JADE3: variants seen among roughly 807,000 people sequenced by gnomAD.
The protein encoded by JADE3 is jade family PHD finger 3, also known as protein Jade-3.
In JADE3, 2 loss-of-function variants were observed where a neutral mutation model predicts 50.1. The observed-to-expected ratio is 0.04, with a 90% CI of 0.02 to 0.13. The LOEUF is 0.13. Ranked by LOEUF, JADE3 falls within the 10% of genes least tolerant of loss-of-function variation. JADE3 has a pLI of 1.00. For missense variants in JADE3, 475 were observed against 634.4 expected (o/e 0.75, Z 2.70); for synonymous variants, 218 against 232.9 (o/e 0.94, Z 0.58).
chrX:47,057,434 G>A (rs1929651610), intron 10 of JADE3, among the ~76,000 whole-genome samples: 1 of 111,498 alleles, frequency 9.0e-6, no homozygotes, highest in Admixed American at 9.6e-5. Flanking sequence ...GACTGTGATT[G>A]TAGGATGACT....
chrX:47,032,875 G>A (rs1282927840), intron 6 of JADE3, among the ~76,000 whole-genome samples: 4 of 111,538 alleles, frequency 3.6e-5, no homozygotes, highest in African/African-American at 1.3e-4. Flanking sequence ...GAATCAGTTA[G>A]TCTCTAATAG....
At chrX:46,948,461 G>A (rs782074388) in intron 1 of JADE3, among the ~76,000 whole-genome samples, 9 of 111,694 alleles carry the variant, frequency 8.1e-5, no homozygotes, top group African/African-American at 2.6e-4. Context: ...TCATTTTGTG[G>A]GCTCGCTTTA....
chrX:47,008,414 G>A (rs1202599605), intron 4 of JADE3, among the ~76,000 whole-genome samples: 3 of 112,146 alleles, frequency 2.7e-5, no homozygotes, highest in Admixed American at 1.9e-4. Flanking sequence ...CTTGCTCCAT[G>A]TTGTAAGTTA....
At chrX:47,037,503 G>A (rs1400819778) in intron 7 of JADE3, among the ~76,000 whole-genome samples, 2 of 112,013 alleles carry the variant, frequency 1.8e-5, no homozygotes, top group Non-Finnish European at 3.8e-5. Context: ...CGGTAACCTT[G>A]GCTGGGCGCA....
chrX:47,039,121 C>T, intron 8 of JADE3, 56 bp downstream of exon 8: 2 of 599,143 alleles, frequency 3.3e-6, no homozygotes, highest in Non-Finnish European at 5.5e-6. Context: ...CTGGACTCAC[C>T]CTCCCAGTGA....
intron 4 of JADE3, 110 bp downstream of exon 4, chrX:46,998,387 A>G: frequency 1.5e-6 from 1 of 687,726 alleles, no homozygotes; most frequent in African/African-American, 2.1e-5. Context: ...ACAAAGTCAC[A>G]TACCATTTTC....
chrX:46,938,527 A>T (rs1402944663), intron 1 of JADE3, among the ~76,000 whole-genome samples: 1 of 111,920 alleles, frequency 8.9e-6, no homozygotes, highest in Admixed American at 9.5e-5. Flanking sequence ...TCCTTCACAC[A>T]TTGTTACCAT....
intron 1 of JADE3, among the ~76,000 whole-genome samples, chrX:46,953,832 C>A (rs1291356611): frequency 2.7e-5 from 3 of 111,658 alleles, no homozygotes; most frequent in Non-Finnish European, 5.6e-5. Flanking sequence ...CTTGGCCCTG[C>A]CTCTCTGTCG....
At chrX:46,939,005 T>G (rs1487208139) in intron 1 of JADE3, among the ~76,000 whole-genome samples, 1 of 111,972 alleles carries the variant, frequency 8.9e-6, no homozygotes, top group Non-Finnish European at 1.9e-5. Flanking sequence ...TTTTGTATCT[T>G]TAGTAGAGAT....
chrX:47,047,605 G>C (rs1339577673), intron 8 of JADE3, among the ~76,000 whole-genome samples: 1 of 111,037 alleles, frequency 9.0e-6, no homozygotes, highest in African/African-American at 3.3e-5. Flanking sequence ...TACCTACTAG[G>C]GTGGCAGTAA....
chrX:46,999,442 T>TAC (rs1169490853), intron 4 of JADE3, among the ~76,000 whole-genome samples: 2 of 105,226 alleles, frequency 1.9e-5, no homozygotes, highest in African/African-American at 3.4e-5. Flanking sequence ...AACATATATA[T>TAC]ATATATATAA....
intron 1 of JADE3, among the ~76,000 whole-genome samples, chrX:46,952,334 C>CT (rs1927022474): frequency 8.9e-6 from 1 of 112,282 alleles, no homozygotes; most frequent in Non-Finnish European, 1.9e-5. Context: ...TTCCATCTCA[C>CT]TTTCTGTGGG....
intron 4 of JADE3, among the ~76,000 whole-genome samples, chrX:47,002,252 C>T: frequency 9.0e-6 from 1 of 111,183 alleles, no homozygotes; most frequent in East Asian, 2.8e-4. Flanking sequence ...CATTTAAATG[C>T]GTGAACCATT....
intron 4 of JADE3, among the ~76,000 whole-genome samples, chrX:47,019,481 C>T (rs181210048): frequency 9.0e-6 from 1 of 111,678 alleles, no homozygotes; most frequent in East Asian, 2.8e-4. Context: ...AATTCCTGGG[C>T]TCAAGTGATC....
At position 47,024,432 on chromosome X, in the gene JADE3, A is replaced by G. The variant is rs189961390; in HGVS notation, c.285-292A>G. 4.8e-3 allele frequency among the ~76,000 whole-genome samples: 540 copies of G among 112,026 alleles called. 3 individuals carry two copies. The highest frequency in any genetic ancestry group is 6.8e-3 in the Non-Finnish European group (364 of 53,158). The stretch of plus-strand genomic sequence containing the variant: ...CACTGGAGCCCAGGAGTTCAAGGCT[A>G]TGGTAAGCTATGACCTTGCCACTGC... On this transcript the variant is annotated intron_variant, in intron 4 of 10. Transcript: ENST00000614628.
chrX:46,981,221 T>C (rs1218376350), intron 1 of JADE3, among the ~76,000 whole-genome samples: 1 of 112,180 alleles, frequency 8.9e-6, no homozygotes, highest in African/African-American at 3.2e-5. Context: ...GAGTTTGTGA[T>C]AATTTGTTAC....
At chrX:46,923,397 T>TA (rs1926277489) in intron 1 of JADE3, among the ~76,000 whole-genome samples, 1 of 7,511 alleles carries the variant, frequency 1.3e-4, no homozygotes, top group East Asian at 4.2e-3. Flanking sequence ...CTCTCTCTTT[T>TA]TTTTTTTTTT....
chrX:47,010,409 G>T (rs1385975503), intron 4 of JADE3, among the ~76,000 whole-genome samples: 1 of 110,683 alleles, frequency 9.0e-6, no homozygotes, highest in African/African-American at 3.3e-5. Context: ...TGTAGTTTTA[G>T]TAGAGACAGG....
At chrX:47,010,746 C>A (rs1928543051) in intron 4 of JADE3, among the ~76,000 whole-genome samples, 1 of 111,269 alleles carries the variant, frequency 9.0e-6, no homozygotes, top group Non-Finnish European at 1.9e-5. Flanking sequence ...GCTGCCATAA[C>A]AAAATACCAC....
Sources: allele counts gnomAD v4.1 joint callset (sites outside exome capture counted in the v4.1 genomes callset), GRCh38; gene constraint gnomAD v4.1.1; transcripts MANE v1.5; gene names NCBI Gene and HGNC (gene_info 2026-07-23, HGNC 2026-07-21).